The following PBX3 variants were observed in gnomAD, a reference collection of about 807,000 sequenced individuals.
PBX3 encodes the protein PBX homeobox 3, also known as pre-B-cell leukemia transcription factor 3.
Under a neutral mutation model 48.5 loss-of-function variants are expected in PBX3, and 14 were observed. That is an observed-to-expected ratio of 0.29 (90% CI 0.19 to 0.45). The LOEUF (loss-of-function observed/expected upper bound fraction) is 0.45, where lower values mean the gene tolerates loss of function less well. PBX3 is among the 20% of genes least tolerant of loss of function. The pLI is 1.00. For synonymous variants in PBX3, 210 were observed against 200.3 expected (o/e 1.05, Z -0.41); for missense variants, 386 against 546.7 (o/e 0.71, Z 2.93).
At chr9:125,922,035 A>T (rs1335572855) in intron 3 of PBX3, among the ~76,000 whole-genome samples, 3 of 152,172 alleles carry the variant, frequency 2.0e-5, no homozygotes, top group Admixed American at 2.0e-4. Flanking sequence ...TATAAACTTA[A>T]AGGCAAAAAC....
chr9:125,894,617 C>CCTA lies in PBX3; in HGVS notation c.275-21067_275-21065dup, dbSNP rs140659339. Among the ~76,000 whole-genome samples the CCTA allele has an allele frequency of 5.6e-3, 848 of 152,120 alleles. 2 individuals carry two copies. Among genetic ancestry groups the CCTA allele is most frequent in the Non-Finnish European group, 7.5e-3 (509 of 67,938 alleles). Reference sequence around the variant, plus strand: ...AGTCAATAAGTGGGTTCAATTCATGCCTACAGCCATGGCGGACAGCTCATT... The same window carrying CCTA: ...AGTCAATAAGTGGGTTCAATTCATGCCTACTACAGCCATGGCGGACAGCTCATT... On this transcript the variant is annotated intron_variant, in intron 2 of 8. Transcript: ENST00000373489.
At chr9:125,965,788 A>G (rs1185193134) in intron 8 of PBX3, 43 bp from the exon 9 acceptor site, 1 of 1,413,986 alleles carries the variant, frequency 7.1e-7, no homozygotes. Context: ...GAGTAGAATT[A>G]ATATGTAGAC....
chr9:125,957,425 C>T (rs1284772589), intron 5 of PBX3, among the ~76,000 whole-genome samples: 5 of 152,196 alleles, frequency 3.3e-5, no homozygotes, highest in Admixed American at 1.3e-4. Flanking sequence ...AGCAAATCCA[C>T]TTGCTAAAGC....
intron 3 of PBX3, among the ~76,000 whole-genome samples, chr9:125,924,314 T>C (rs183592670): frequency 1.3e-5 from 2 of 152,380 alleles, no homozygotes; most frequent in East Asian, 3.8e-4. Flanking sequence ...AGAAGTCAGC[T>C]TGAGTCTCAT....
At position 125,966,043 on chromosome 9, in the gene PBX3, A is replaced by G. The variant is rs1275340485; in HGVS notation, c.*120A>G. The stretch of plus-strand genomic sequence containing the variant: ...CAGCTTTACTGTAAAACCTTGTCTT[A>G]TTCGAGAACTTGGTAAATCTGTTTT... On this transcript the variant is annotated 3_prime_UTR_variant, in exon 9 of 9. Transcript: ENST00000373489. 3.2e-6 allele frequency: 2 copies of G among 617,652 alleles called. No homozygotes were observed. The highest frequency in any genetic ancestry group is 1.8e-5 in the African/African-American group (1 of 54,446). The allele number at this position is 617,652 out of a possible 1,614,324, so 38.3% of individuals were successfully genotyped here.
At chr9:125,801,790 T>TACACACACACACACACACAC (rs367989628) in intron 2 of PBX3, among the ~76,000 whole-genome samples, 42 of 146,312 alleles carry the variant, frequency 2.9e-4, no homozygotes, top group Non-Finnish European at 4.2e-4. Context: ...TGTATACACA[T>TACACACACACACACACACAC]ACACACACAC....
intron 6 of PBX3, 151 bp downstream of exon 6, chr9:125,961,000 G>A (rs1842419628): frequency 3.8e-6 from 3 of 786,684 alleles, no homozygotes; most frequent in Non-Finnish European, 5.9e-6. Flanking sequence ...TCTTGAGATG[G>A]GTGAATGAGT....
chr9:125,906,585 G>T (rs952212690), intron 2 of PBX3, among the ~76,000 whole-genome samples: 5 of 151,890 alleles, frequency 3.3e-5, no homozygotes, highest in Non-Finnish European at 7.4e-5. Flanking sequence ...TCCCATGAGG[G>T]ACATATGAAT....
chr9:125,749,560 C>CTTTTTTTTTTTTTTT (rs75281692), intron 2 of PBX3: 2 of 115,352 alleles, frequency 1.7e-5, no homozygotes, highest in African/African-American at 3.1e-5. Flanking sequence ...TCTTTTCTTT[C>CTTTTTTTTTTTTTTT]TTTTTTTTTT....
rs560635697 is a variant in PBX3, at chr9:125,818,219, C to T, written c.274+69596C>T. Among the ~76,000 whole-genome samples the T allele has an allele frequency of 1.6e-3, 243 of 150,032 alleles. 1 individual carries two copies. Among genetic ancestry groups the T allele is most frequent in the African/African-American group, 5.6e-3 (230 of 40,756 alleles). ...CGTCTCAAAAAAACCAAAAAAAAAA[C>T]AAAAACCAAAACCAGATATAGTATT... is the stretch of plus-strand genomic sequence containing the variant. On this transcript the variant is annotated intron_variant, in intron 2 of 8. Transcript: ENST00000373489.
At chr9:125,801,207 A>T (rs1837933877) in intron 2 of PBX3, among the ~76,000 whole-genome samples, 1 of 152,228 alleles carries the variant, frequency 6.6e-6, no homozygotes, top group African/African-American at 2.4e-5. Context: ...ATGAACAATG[A>T]AATACCTTGC....
chr9:125,798,384 T>C (rs188596857), intron 2 of PBX3, among the ~76,000 whole-genome samples: 4 of 152,268 alleles, frequency 2.6e-5, no homozygotes, highest in African/African-American at 7.2e-5. Context: ...TTACTACTTA[T>C]ACATTTTACT....
At chr9:125,828,420 C>G (rs897500112) in intron 2 of PBX3, among the ~76,000 whole-genome samples, 1 of 151,996 alleles carries the variant, frequency 6.6e-6, no homozygotes, top group Admixed American at 6.6e-5. Flanking sequence ...AAACAGAGCC[C>G]TATAAGAAGG....
intron 2 of PBX3, among the ~76,000 whole-genome samples, chr9:125,781,388 C>T (rs1210521274): frequency 3.3e-5 from 5 of 151,606 alleles, no homozygotes; most frequent in Admixed American, 6.6e-5. Context: ...GGCGTGGTGG[C>T]GCGCGCCTGC....
chr9:125,852,321 T>C (rs1264902046), intron 2 of PBX3, among the ~76,000 whole-genome samples: 1 of 152,210 alleles, frequency 6.6e-6, no homozygotes, highest in African/African-American at 2.4e-5. Context: ...CCTAGGTCTT[T>C]GTTATCTTTT....
intron 2 of PBX3, among the ~76,000 whole-genome samples, chr9:125,868,333 T>C (rs1840038994): frequency 6.6e-6 from 1 of 152,240 alleles, no homozygotes; most frequent in Non-Finnish European, 1.5e-5. Context: ...ATTGATTTTA[T>C]TTACATTTGA....
At chr9:125,915,617 A>T in intron 2 of PBX3, 69 bp from the exon 3 acceptor site, 2 of 1,213,520 alleles carry the variant, frequency 1.6e-6, no homozygotes, top group South Asian at 1.5e-5. Flanking sequence ...GAATAAACAA[A>T]ATACTCACAC....
At chr9:125,799,409 G>T (rs1252860838) in intron 2 of PBX3, among the ~76,000 whole-genome samples, 1 of 151,978 alleles carries the variant, frequency 6.6e-6, no homozygotes, top group East Asian at 1.9e-4. Flanking sequence ...CGGAGGCTGA[G>T]GTGGGACGAT....
chr9:125,751,180 A>G (rs959076190), intron 2 of PBX3, among the ~76,000 whole-genome samples: 17 of 152,230 alleles, frequency 1.1e-4, no homozygotes, highest in Non-Finnish European at 2.5e-4. Flanking sequence ...TTACCTAGTC[A>G]TTTATGAATA....
Sources: gnomAD v4.1 joint callset for allele counts (sites outside exome capture counted in the v4.1 genomes callset) on GRCh38, gnomAD v4.1.1 for gene constraint, MANE v1.5 for transcripts, NCBI Gene and HGNC (gene_info 2026-07-23, HGNC 2026-07-21) for gene names.